The following RAB38 variants were observed in gnomAD, a reference collection of about 807,000 sequenced individuals.
The protein encoded by RAB38 is RAB38, member RAS oncogene family, also known as ras-related protein Rab-38.
Under a neutral mutation model 18.4 loss-of-function variants are expected in RAB38, and 15 were observed. The observed-to-expected ratio is 0.82, with a 90% CI of 0.55 to 1.26. RAB38 has a LOEUF of 1.26. RAB38 is among the 50% of genes most tolerant of loss of function. The pLI, the probability that RAB38 is intolerant of heterozygous loss-of-function variation, is 0.00. For synonymous variants in RAB38, 101 were observed against 104.4 expected (o/e 0.97, Z 0.20); for missense variants, 294 against 267.4 (o/e 1.10, Z -0.69).
the RAB38 span, among the ~76,000 whole-genome samples, chr11:87,805,533 C>T: frequency 6.6e-6 from 1 of 151,658 alleles, no homozygotes; most frequent in African/African-American, 2.4e-5. Context: ...TCTCTGCTCA[C>T]AAAAGAACCA....
chr11:88,172,208 G>A (rs971888915), intron 1 of RAB38, among the ~76,000 whole-genome samples: 1 of 152,184 alleles, frequency 6.6e-6, no homozygotes, highest in Non-Finnish European at 1.5e-5. Context: ...ACTCTATCAG[G>A]AGCCTCTGAA....
the RAB38 span, among the ~76,000 whole-genome samples, chr11:87,813,834 A>C: frequency 6.6e-6 from 1 of 152,140 alleles, no homozygotes; most frequent in Non-Finnish European, 1.5e-5. Context: ...ACCAATGCTA[A>C]ATATTAGTAT....
At chr11:87,958,294 TA>T in the RAB38 span, among the ~76,000 whole-genome samples, 1 of 152,188 alleles carries the variant, frequency 6.6e-6, no homozygotes, top group African/African-American at 2.4e-5. Flanking sequence ...GTTAGGTGTA[TA>T]AGATGCATTT....
the RAB38 span, among the ~76,000 whole-genome samples, chr11:87,927,164 T>G: frequency 6.6e-6 from 1 of 152,038 alleles, no homozygotes; most frequent in African/African-American, 2.4e-5. Context: ...AATCTACTTG[T>G]CAGTATAAAT....
At chr11:88,110,720 G>C (rs999222716), downstream of RAB38, among the ~76,000 whole-genome samples, 8 of 150,740 alleles carry the variant, frequency 5.3e-5, no homozygotes, top group Admixed American at 3.3e-4. Flanking sequence ...GGGAGGCTGA[G>C]ACAGAAGAAT....
the RAB38 span, among the ~76,000 whole-genome samples, chr11:88,052,935 T>TATA: frequency 1.2e-5 from 1 of 85,788 alleles, no homozygotes; most frequent in South Asian, 3.1e-4. Flanking sequence ...TATATATATA[T>TATA]ATATATATAA....
intron 1 of RAB38, among the ~76,000 whole-genome samples, chr11:88,152,034 CT>C (rs748299468): frequency 2.0e-5 from 3 of 152,144 alleles, no homozygotes; most frequent in Non-Finnish European, 4.4e-5. Flanking sequence ...CCCAGATGAA[CT>C]TTTAGTTTTC....
chr11:87,877,144 C>T, the RAB38 span, among the ~76,000 whole-genome samples: 9 of 151,494 alleles, frequency 5.9e-5, no homozygotes, highest in Admixed American at 2.0e-4. Context: ...AAGTACCATA[C>T]GTGCTGAGGA....
the RAB38 span, among the ~76,000 whole-genome samples, chr11:87,959,474 G>A: frequency 5.3e-5 from 8 of 152,042 alleles, no homozygotes; most frequent in African/African-American, 1.2e-4. Flanking sequence ...TCCATCTCAC[G>A]TTAGCATTTG....
At chr11:87,974,480 T>A in the RAB38 span, among the ~76,000 whole-genome samples, 1 of 151,620 alleles carries the variant, frequency 6.6e-6, no homozygotes, top group South Asian at 2.1e-4. Context: ...AAAACCTCAG[T>A]GACTTGTGAG....
chr11:87,829,830 C>T, the RAB38 span, among the ~76,000 whole-genome samples: 25 of 152,154 alleles, frequency 1.6e-4, no homozygotes, highest in Admixed American at 3.9e-4. Context: ...TCTCTCCCTA[C>T]TTCTGAAATT....
intron 1 of RAB38, among the ~76,000 whole-genome samples, chr11:88,153,510 C>T (rs946454476): frequency 2.6e-5 from 4 of 152,316 alleles, no homozygotes; most frequent in African/African-American, 9.6e-5. Context: ...CCTGCTCCAC[C>T]TCAGCCCCTC....
At chr11:87,924,490 T>C in the RAB38 span, among the ~76,000 whole-genome samples, 1 of 151,192 alleles carries the variant, frequency 6.6e-6, no homozygotes, top group African/African-American at 2.5e-5. Flanking sequence ...GGTGACCTTT[T>C]TTCTGTTGAG....
chr11:88,030,476 T>C, the RAB38 span, among the ~76,000 whole-genome samples: 5 of 152,080 alleles, frequency 3.3e-5, no homozygotes, highest in African/African-American at 4.8e-5. Flanking sequence ...ATTGATAGAC[T>C]GCTAGCAAGA....
At chr11:88,038,848 T>C in the RAB38 span, among the ~76,000 whole-genome samples, 1 of 152,230 alleles carries the variant, frequency 6.6e-6, no homozygotes, top group Non-Finnish European at 1.5e-5. Context: ...TAAAGACACA[T>C]CTAAGATATA....
the RAB38 span, among the ~76,000 whole-genome samples, chr11:88,075,236 C>A: frequency 6.6e-6 from 1 of 152,120 alleles, no homozygotes; most frequent in Non-Finnish European, 1.5e-5. Context: ...TCCACTCCTG[C>A]AAAATACACA....
the RAB38 span, among the ~76,000 whole-genome samples, chr11:88,014,183 T>G: frequency 6.6e-6 from 1 of 152,150 alleles, no homozygotes; most frequent in East Asian, 1.9e-4. Context: ...TTATATATAC[T>G]GTCTTATTTC....
the RAB38 span, among the ~76,000 whole-genome samples, chr11:87,865,885 C>A: frequency 6.6e-6 from 1 of 151,554 alleles, no homozygotes; most frequent in Non-Finnish European, 1.5e-5. Flanking sequence ...TATGTTGGTG[C>A]AACAGCAGAT....
At chr11:88,115,848 T>G (rs1329453209) in intron 2 of RAB38, 1 of 152,228 alleles carries the variant, frequency 6.6e-6, no homozygotes, top group Non-Finnish European at 1.5e-5. Flanking sequence ...GTAATCTTAT[T>G]TAATCCCATT....
Sources: gnomAD v4.1 joint callset for allele counts (sites outside exome capture counted in the v4.1 genomes callset) on GRCh38, gnomAD v4.1.1 for gene constraint, MANE v1.5 for transcripts, NCBI Gene and HGNC (gene_info 2026-07-23, HGNC 2026-07-21) for gene names.